The following GRM7 variants were observed in gnomAD, a reference collection of about 807,000 sequenced individuals.
GRM7 encodes glutamate metabotropic receptor 7, also known as metabotropic glutamate receptor 7.
In GRM7, 35 loss-of-function variants were observed where a neutral mutation model predicts 84.5. The ratio of observed to expected loss-of-function variants is 0.41; its 90% CI spans 0.32 to 0.55. The LOEUF (loss-of-function observed/expected upper bound fraction) is 0.55. Among genes scored for constraint, GRM7 ranks in the 20% least tolerant of loss-of-function variants. GRM7 has a pLI of 0.19. For missense variants in GRM7, 1,003 were observed against 1,194.6 expected, an observed-to-expected ratio of 0.84 and a Z score of 2.36; for synonymous variants, 487 against 455.1, an observed-to-expected ratio of 1.07 and a Z score of -0.89.
chr3:7,493,456 A>C (rs1170904724), intron 7 of GRM7, among the ~76,000 whole-genome samples: 2 of 151,678 alleles, frequency 1.3e-5, no homozygotes, highest in Non-Finnish European at 2.9e-5. Context: ...CTTTGCTCTG[A>C]AGTCCATTTT....
At chr3:7,310,128 C>G (rs1700340075) in intron 4 of GRM7, among the ~76,000 whole-genome samples, 1 of 152,196 alleles carries the variant, frequency 6.6e-6, no homozygotes, top group Non-Finnish European at 1.5e-5. Flanking sequence ...TAGGCATCCT[C>G]TAATTATGGC....
chr3:7,282,159 T>C (rs1038860455), intron 2 of GRM7, among the ~76,000 whole-genome samples: 3 of 152,204 alleles, frequency 2.0e-5, no homozygotes, highest in African/African-American at 7.2e-5. Context: ...GTTAAAACAT[T>C]AGAATCCCAT....
intron 8 of GRM7, among the ~76,000 whole-genome samples, chr3:7,616,001 A>G (rs1044721033): frequency 1.3e-5 from 2 of 152,124 alleles, no homozygotes; most frequent in African/African-American, 4.8e-5. Flanking sequence ...ACATAGTGAT[A>G]TATTTTTAAT....
chr3:7,534,932 A>T (rs1701185449), intron 7 of GRM7, among the ~76,000 whole-genome samples: 1 of 152,152 alleles, frequency 6.6e-6, no homozygotes, highest in Admixed American at 6.5e-5. Context: ...TCCACATTCC[A>T]GTGTCATGAG....
chr3:7,660,104 T>G (rs1346252398), intron 8 of GRM7, among the ~76,000 whole-genome samples: 1 of 152,260 alleles, frequency 6.6e-6, no homozygotes, highest in Admixed American at 6.5e-5. Flanking sequence ...ACCTTATGGT[T>G]TAACTTTTCA....
chr3:6,976,739 A>G (rs959288864), intron 1 of GRM7, among the ~76,000 whole-genome samples: 2 of 152,212 alleles, frequency 1.3e-5, no homozygotes, highest in East Asian at 1.9e-4. Context: ...TTCACAACCC[A>G]TGAGTTCACT....
At chr3:7,355,967 C>G (rs116381812) in intron 4 of GRM7, among the ~76,000 whole-genome samples, 1 of 152,230 alleles carries the variant, frequency 6.6e-6, no homozygotes, top group African/African-American at 2.4e-5. Flanking sequence ...CAGAAGTCAA[C>G]GCTGCAGCAC....
intron 1 of GRM7, among the ~76,000 whole-genome samples, chr3:7,145,761 T>C (rs1231395133): frequency 3.3e-5 from 5 of 152,082 alleles, no homozygotes; most frequent in Admixed American, 6.5e-5. Flanking sequence ...TCAGAGGCCC[T>C]TGTGGCCTCC....
At position 7,202,035 on chromosome 3, in the gene GRM7, C is replaced by T. The variant is rs137922468; in HGVS notation, c.736+55367C>T. On this transcript the variant is annotated intron_variant, in intron 2 of 9. Coordinates refer to ENST00000357716, the MANE Select transcript of GRM7 (RefSeq NM_000844.4). ...CAACCTTACAGGAACTTTAATGCAT[C>T]ATTTTTATCCTTCTATTAGGATCTG... Among the ~76,000 whole-genome samples, 30 of 152,018 alleles carry T rather than the reference C, an allele frequency of 2.0e-4. No homozygotes were observed. In the East Asian group the frequency reaches 5.6e-3, roughly 29 times the overall value.
chr3:7,560,580 C>T (rs1693972341), intron 7 of GRM7, among the ~76,000 whole-genome samples: 2 of 152,070 alleles, frequency 1.3e-5, no homozygotes, highest in Admixed American at 1.3e-4. Flanking sequence ...CCACTCCAGG[C>T]CAACTGAATT....
chr3:7,148,359 A>G (rs965851353), intron 2 of GRM7, among the ~76,000 whole-genome samples: 14 of 152,216 alleles, frequency 9.2e-5, no homozygotes, highest in African/African-American at 2.4e-5. Flanking sequence ...GCTTAGAGAC[A>G]AAGGGCAGAT....
chr3:7,225,723 C>G (rs1696962733), intron 2 of GRM7, among the ~76,000 whole-genome samples: 1 of 151,708 alleles, frequency 6.6e-6, no homozygotes, highest in South Asian at 2.1e-4. Flanking sequence ...AGTAGAAGTA[C>G]AATAGTTTTA....
At chr3:7,405,583 A>G (rs1045238768) in intron 4 of GRM7, among the ~76,000 whole-genome samples, 84 of 152,326 alleles carry the variant, frequency 5.5e-4, no homozygotes, top group African/African-American at 1.9e-3. Flanking sequence ...TAATAGATTT[A>G]TAGATTACAT....
intron 2 of GRM7, among the ~76,000 whole-genome samples, chr3:7,275,751 C>A (rs759930396): frequency 6.6e-6 from 1 of 152,152 alleles, no homozygotes; most frequent in Non-Finnish European, 1.5e-5. Context: ...CTTTCCCCCA[C>A]TCCCAGATGG....
At chr3:7,374,965 G>T (rs1212942232) in intron 4 of GRM7, among the ~76,000 whole-genome samples, 2 of 152,052 alleles carry the variant, frequency 1.3e-5, no homozygotes, top group Non-Finnish European at 2.9e-5. Context: ...CTGAAACTGT[G>T]ACCTCCTAAG....
intron 7 of GRM7, among the ~76,000 whole-genome samples, chr3:7,508,944 GTT>G (rs1346819014): frequency 6.6e-6 from 1 of 152,260 alleles, no homozygotes; most frequent in Admixed American, 6.5e-5. Flanking sequence ...TATGACAGTT[GTT>G]TCTCCTTATC....
chr3:7,652,460 G>T (rs928361336), intron 8 of GRM7, among the ~76,000 whole-genome samples: 2 of 152,182 alleles, frequency 1.3e-5, no homozygotes, highest in Non-Finnish European at 2.9e-5. Context: ...GAAGATGTGT[G>T]TTTGCTTAGC....
chr3:6,899,963 T>A (rs1696327049), intron 1 of GRM7, among the ~76,000 whole-genome samples: 1 of 152,126 alleles, frequency 6.6e-6, no homozygotes, highest in Non-Finnish European at 1.5e-5. Context: ...TACGTCTTTG[T>A]CAAAAATAGC....
At chr3:6,902,213 G>A (rs1341259320) in intron 1 of GRM7, among the ~76,000 whole-genome samples, 1 of 152,084 alleles carries the variant, frequency 6.6e-6, no homozygotes, top group East Asian at 1.9e-4. Context: ...GCATTGCCTT[G>A]TATTACTTCA....
Sources: gnomAD v4.1 joint callset for allele counts (sites outside exome capture counted in the v4.1 genomes callset) on GRCh38, gnomAD v4.1.1 for gene constraint, MANE v1.5 for transcripts, NCBI Gene and HGNC (gene_info 2026-07-23, HGNC 2026-07-21) for gene names.